The following ACBD6 variants were observed in gnomAD, a reference collection of about 807,000 sequenced individuals.
ACBD6 encodes acyl-CoA-binding domain-containing protein 6.
In ACBD6, 28 loss-of-function variants were observed where a neutral mutation model predicts 37.2. That is an observed-to-expected ratio of 0.75 (90% CI 0.56 to 1.03). The LOEUF (loss-of-function observed/expected upper bound fraction) is 1.03. Ranked by LOEUF, ACBD6 falls within the 50% of genes least tolerant of loss-of-function variation. The probability of loss-of-function intolerance (pLI) is 0.00; values close to 1 mark genes in which losing one functional copy is unlikely to be tolerated. For missense variants in ACBD6, 340 were observed against 337.4 expected, an observed-to-expected ratio of 1.01 and a Z score of -0.06; for synonymous variants, 113 against 126.8, an observed-to-expected ratio of 0.89 and a Z score of 0.73.
intron 5 of ACBD6, among the ~76,000 whole-genome samples, chr1:180,401,601 T>C (rs1419908202): frequency 1.3e-5 from 2 of 151,826 alleles, no homozygotes; most frequent in Non-Finnish European, 2.9e-5. Flanking sequence ...CTGGCCAACA[T>C]GGTGAAATGC....
At chr1:180,455,156 GT>G (rs1158532011) in intron 3 of ACBD6, among the ~76,000 whole-genome samples, 1 of 152,190 alleles carries the variant, frequency 6.6e-6, no homozygotes, top group Non-Finnish European at 1.5e-5. Flanking sequence ...TTAAGAAAAT[GT>G]GGCACATATA....
intron 7 of ACBD6, among the ~76,000 whole-genome samples, chr1:180,305,144 C>A (rs933684876): frequency 6.6e-6 from 1 of 152,084 alleles, no homozygotes; most frequent in African/African-American, 2.4e-5. Context: ...ACCATAAAAA[C>A]CCTAGATTAA....
At chr1:180,433,719 G>A (rs950351194) in intron 3 of ACBD6, among the ~76,000 whole-genome samples, 1 of 151,942 alleles carries the variant, frequency 6.6e-6, no homozygotes, top group Non-Finnish European at 1.5e-5. Flanking sequence ...ACAGTCTTTC[G>A]TTACATAATT....
chr1:180,371,745 G>T (rs1653273342), intron 6 of ACBD6, among the ~76,000 whole-genome samples: 1 of 152,064 alleles, frequency 6.6e-6, no homozygotes, highest in African/African-American at 2.4e-5. Flanking sequence ...AGAGGTTTTT[G>T]ATCACAGAAT....
chr1:180,410,994 G>A (rs975322306), intron 5 of ACBD6, among the ~76,000 whole-genome samples: 4 of 152,172 alleles, frequency 2.6e-5, no homozygotes, highest in African/African-American at 9.7e-5. Context: ...ATTAACAGGA[G>A]TCTGGAAGAA....
At chr1:180,457,440 G>A (rs1466716495) in intron 3 of ACBD6, among the ~76,000 whole-genome samples, 1 of 151,942 alleles carries the variant, frequency 6.6e-6, no homozygotes, top group Non-Finnish European at 1.5e-5. Flanking sequence ...GTCCTACGGG[G>A]AGAAACGTCT....
chr1:180,413,390 C>T lies in ACBD6; in HGVS notation c.549G>A (p.Val183=), dbSNP rs150884520. The T allele has an allele frequency of 2.4e-5, 38 of 1,613,108 alleles. No individual in the cohort carries two copies. In the African/African-American group the frequency reaches 5.1e-4, roughly 22 times the overall value. The change falls in exon 5 of 8, where the codon GTG becomes GTA. Residue 183 remains valine (V), a synonymous_variant. Transcript: ENST00000367595. ...HITKAIKSKN[V]DVNVKDEEGR... is the part of the protein sequence containing the mutation. ...CCTCTTCATCTTTCACATTCACATC[C>T]ACATTTTTCGATTTGATGGCTTTGG...
intron 6 of ACBD6, among the ~76,000 whole-genome samples, chr1:180,394,671 T>C (rs532548524): frequency 3.3e-5 from 5 of 152,098 alleles, no homozygotes; most frequent in South Asian, 2.1e-4. Flanking sequence ...ATAAAAGAAT[T>C]GAGACTATGG....
intron 7 of ACBD6, among the ~76,000 whole-genome samples, chr1:180,301,566 G>A (rs1650132346): frequency 6.6e-6 from 1 of 152,056 alleles, no homozygotes; most frequent in Non-Finnish European, 1.5e-5. Flanking sequence ...GGCTACTGTG[G>A]TGGCAGACCT....
At chr1:180,432,164 G>A (rs952064355) in intron 3 of ACBD6, among the ~76,000 whole-genome samples, 9 of 150,734 alleles carry the variant, frequency 6.0e-5, no homozygotes, top group East Asian at 1.9e-4. Context: ...CCAAGATCAC[G>A]CCACTGCACT....
At chr1:180,384,211 TAA>T (rs1558275983) in intron 6 of ACBD6, among the ~76,000 whole-genome samples, 2 of 148,334 alleles carry the variant, frequency 1.3e-5, no homozygotes, top group African/African-American at 2.5e-5. Flanking sequence ...ATCAAAAGAG[TAA>T]AGAGTCAACC....
chr1:180,418,872 C>A (rs975192444), intron 4 of ACBD6, among the ~76,000 whole-genome samples: 17 of 152,208 alleles, frequency 1.1e-4, no homozygotes, highest in African/African-American at 4.1e-4. Flanking sequence ...CAAAACATTG[C>A]TTGGGCAGTA....
intron 4 of ACBD6, among the ~76,000 whole-genome samples, chr1:180,415,429 A>G (rs1055774026): frequency 6.6e-6 from 1 of 152,058 alleles, no homozygotes; most frequent in East Asian, 1.9e-4. Flanking sequence ...AAAAAAAAAA[A>G]CACCATGTCT....
At chr1:180,440,791 T>C (rs1216846595) in intron 3 of ACBD6, among the ~76,000 whole-genome samples, 2 of 152,224 alleles carry the variant, frequency 1.3e-5, no homozygotes, top group Non-Finnish European at 2.9e-5. Context: ...TCATATAAAT[T>C]GAATCATACA....
At chr1:180,271,387 A>G in exon 14 of ACBD6, 1 of 1,614,218 alleles carries the variant, frequency 6.2e-7, no homozygotes, top group Non-Finnish European at 8.5e-7. Context: ...CAGATGACTC[A>G]GAGGCTGGAG....
chr1:180,395,150 T>TA (rs1220362092), intron 6 of ACBD6, among the ~76,000 whole-genome samples: 2 of 152,194 alleles, frequency 1.3e-5, no homozygotes, highest in Non-Finnish European at 2.9e-5. Flanking sequence ...TGGTACTAGT[T>TA]AACTAAATTA....
intron 6 of ACBD6, among the ~76,000 whole-genome samples, chr1:180,371,022 A>T (rs1653242753): frequency 6.6e-6 from 1 of 152,004 alleles, no homozygotes; most frequent in Non-Finnish European, 1.5e-5. Context: ...AAATGCCTTA[A>T]TTTTTTTCAC....
In ACBD6 at chr1:180,405,380, C is replaced by T. The variant is rs569870258; in HGVS notation, c.574-7775G>A. On this transcript the variant is annotated intron_variant, in intron 5 of 7. Coordinates refer to ENST00000367595, the MANE Select transcript of ACBD6 (RefSeq NM_032360.4). ...AGTATCTGAAAGAATCAATAGACTACGGAAAATGGCTAATGACAACAATTA... is the reference window on the plus strand; with the variant it reads ...AGTATCTGAAAGAATCAATAGACTATGGAAAATGGCTAATGACAACAATTA... Among the ~76,000 whole-genome samples, 29 of 152,086 alleles carry T rather than the reference C, an allele frequency of 1.9e-4. 2 individuals are homozygous for T. In the South Asian group the frequency reaches 6.0e-3, roughly 32 times the overall value.
At chr1:180,293,410 C>T (rs1201718577) in intron 7 of ACBD6, among the ~76,000 whole-genome samples, 1 of 151,082 alleles carries the variant, frequency 6.6e-6, no homozygotes, top group Non-Finnish European at 1.5e-5. Flanking sequence ...TGGGTTCAAG[C>T]AATTCTCCTA....
Sources: gnomAD v4.1 joint callset for allele counts (sites outside exome capture counted in the v4.1 genomes callset) on GRCh38, gnomAD v4.1.1 for gene constraint, MANE v1.5 for transcripts, NCBI Gene and HGNC (gene_info 2026-07-23, HGNC 2026-07-21) for gene names.